KRABD1: variants seen among roughly 807,000 people sequenced by gnomAD.
KRABD1 encodes KRAB domain-containing protein 1.
the KRABD1 span, chr3:42,938,886 A>G: frequency 3.3e-6 from 5 of 1,531,088 alleles, no homozygotes; most frequent in African/African-American, 6.9e-5. Flanking sequence ...AAAGGAATAA[A>G]AGAGGTCAGA....
chr3:42,936,519 C>G, the KRABD1 span: 1 of 152,272 alleles, frequency 6.6e-6, no homozygotes, highest in Non-Finnish European at 1.5e-5. Flanking sequence ...ACTGCTGGTA[C>G]TGGGGTCCTC....
At chr3:42,938,653 A>T in the KRABD1 span, 1 of 380,808 alleles carries the variant, frequency 2.6e-6, no homozygotes, top group South Asian at 5.8e-5. Context: ...CTTTTTCATC[A>T]CTCATTCCGT....
chr3:42,937,644 A>T, the KRABD1 span: 2 of 152,218 alleles, frequency 1.3e-5, no homozygotes, highest in Admixed American at 1.3e-4. Context: ...GTAGGTTTAC[A>T]TTGTGTTTTC....
At chr3:42,937,188 A>T in the KRABD1 span, 1 of 152,156 alleles carries the variant, frequency 6.6e-6, no homozygotes, top group African/African-American at 2.4e-5. Context: ...CTCCACTGTC[A>T]TAATTTAATT....
the KRABD1 span, chr3:42,942,097 C>G: frequency 7.0e-7 from 1 of 1,430,808 alleles, no homozygotes; most frequent in Non-Finnish European, 9.5e-7. Context: ...GGGTTCTTCT[C>G]CAGCTTTGTC....
the KRABD1 span, chr3:42,941,384 G>A: frequency 1.3e-6 from 2 of 1,547,228 alleles, no homozygotes; most frequent in Non-Finnish European, 1.7e-6. Flanking sequence ...TTTCTGCTTG[G>A]GCCCTCAGGT....
chr3:42,940,169 C>T, the KRABD1 span, among the ~76,000 whole-genome samples: 1 of 152,154 alleles, frequency 6.6e-6, no homozygotes. Flanking sequence ...AGGCATGGGT[C>T]AAAGTTCTTT....
chr3:42,941,259 T>C, the KRABD1 span: 6 of 1,579,990 alleles, frequency 3.8e-6, no homozygotes, highest in Non-Finnish European at 5.1e-6. Context: ...GGCTGTGTAC[T>C]TCACTACGAA....
the KRABD1 span, chr3:42,938,870 A>G: frequency 6.6e-7 from 1 of 1,519,604 alleles, no homozygotes; most frequent in East Asian, 2.5e-5. Context: ...TTTTACCTTT[A>G]CCCAGAAAGG....
the KRABD1 span, chr3:42,937,410 G>A: frequency 6.6e-6 from 1 of 152,174 alleles, no homozygotes; most frequent in Non-Finnish European, 1.5e-5. Flanking sequence ...CAGATTGTCA[G>A]CTGTGCAGAT....
the KRABD1 span, chr3:42,941,140 T>C: frequency 7.6e-7 from 1 of 1,320,716 alleles, no homozygotes; most frequent in East Asian, 2.5e-5. Context: ...GTATCATTTG[T>C]AGATGCCCTT....
At chr3:42,941,947 T>C in the KRABD1 span, 1 of 1,502,576 alleles carries the variant, frequency 6.7e-7, no homozygotes. Context: ...TGTTTTCTTC[T>C]TTTCGAGCAG....
At chr3:42,936,914 T>C in the KRABD1 span, 2 of 152,136 alleles carry the variant, frequency 1.3e-5, no homozygotes, top group South Asian at 2.1e-4. Context: ...GTTACTGTCG[T>C]AGAGCAACCA....
chr3:42,942,363 C>T, the KRABD1 span, among the ~76,000 whole-genome samples: 3 of 152,208 alleles, frequency 2.0e-5, no homozygotes, highest in South Asian at 2.1e-4. Context: ...TCCAGTTTCT[C>T]CAGTTTTACA....
the KRABD1 span, chr3:42,939,023 A>G: frequency 2.2e-6 from 2 of 892,920 alleles, no homozygotes; most frequent in Non-Finnish European, 3.4e-6. Context: ...TATATTACAC[A>G]TTTACATATA....
the KRABD1 span, chr3:42,941,112 G>A: frequency 1.9e-5 from 18 of 923,800 alleles, no homozygotes; most frequent in Admixed American, 3.0e-5. Context: ...GGCACGTGAA[G>A]GACCCAATAC....
At chr3:42,941,542 A>G in the KRABD1 span, among the ~76,000 whole-genome samples, 1 of 152,022 alleles carries the variant, frequency 6.6e-6, no homozygotes, top group Non-Finnish European at 1.5e-5. Flanking sequence ...CCTGCCTCAG[A>G]GGTGATTCTG....
At chr3:42,942,632 C>T in the KRABD1 span, 3 of 1,378,180 alleles carry the variant, frequency 2.2e-6, no homozygotes, top group Non-Finnish European at 2.9e-6. Flanking sequence ...GCTGGGAAGA[C>T]AGGAGAAAAG....
chr3:42,939,069 C>CAT, the KRABD1 span: 16 of 584,598 alleles, frequency 2.7e-5, no homozygotes, highest in South Asian at 6.3e-5. Context: ...TATGTGTACA[C>CAT]ACACACATTT....
Sources: gnomAD v4.1 joint callset for allele counts (sites outside exome capture counted in the v4.1 genomes callset) on GRCh38, gnomAD v4.1.1 for gene constraint, MANE v1.5 for transcripts, NCBI Gene and HGNC (gene_info 2026-07-23, HGNC 2026-07-21) for gene names.